The following ST8SIA6 variants were observed in gnomAD, a reference collection of about 807,000 sequenced individuals.
ST8SIA6 encodes the protein ST8 alpha-N-acetyl-neuraminide alpha-2,8-sialyltransferase 6, also known as alpha-2,8-sialyltransferase 8F.
ST8SIA6 carries 39 observed loss-of-function variants against 33.6 expected under a neutral mutation model. That is an observed-to-expected ratio of 1.16 (90% CI 0.90 to 1.52). The LOEUF is 1.52. Among genes scored for constraint, ST8SIA6 ranks in the 40% most tolerant of loss-of-function variants. The probability of loss-of-function intolerance (pLI) is 0.00; values close to 1 mark genes in which losing one functional copy is unlikely to be tolerated. For missense variants in ST8SIA6, 441 were observed against 443.8 expected, an observed-to-expected ratio of 0.99 and a Z score of 0.06; for synonymous variants, 172 against 167.2, an observed-to-expected ratio of 1.03 and a Z score of -0.22.
At chr10:17,387,505 G>A (rs1184002224) in intron 3 of ST8SIA6, among the ~76,000 whole-genome samples, 1 of 151,204 alleles carries the variant, frequency 6.6e-6, no homozygotes, top group Non-Finnish European at 1.5e-5. Context: ...CACCTCGGGT[G>A]ATCTGCCCGC....
chr10:17,326,922 G>A, intron 6 of ST8SIA6, 92 bp downstream of exon 6: 1 of 893,922 alleles, frequency 1.1e-6, no homozygotes, highest in Non-Finnish European at 1.6e-6. Context: ...GAGCTCAAAG[G>A]TGAAAATATA....
intron 4 of ST8SIA6, among the ~76,000 whole-genome samples, chr10:17,346,722 A>G (rs977022666): frequency 6.6e-6 from 1 of 152,238 alleles, no homozygotes; most frequent in African/African-American, 2.4e-5. Flanking sequence ...AGCAATAGAT[A>G]ACCAACATGC....
At chr10:17,386,579 C>T (rs906870636) in intron 3 of ST8SIA6, among the ~76,000 whole-genome samples, 4 of 152,186 alleles carry the variant, frequency 2.6e-5, no homozygotes, top group Non-Finnish European at 5.9e-5. Context: ...GCAACGACAT[C>T]AAACACAGAG....
chr10:17,453,496 C>A lies in ST8SIA6; in HGVS notation c.200+63G>T, dbSNP rs542855559. ...CCCAACGAGTCCAAGCCGGTGCAGC[C>A]GCGCCCCATGCCCGGCTCGCAGCTC... is the stretch of plus-strand genomic sequence containing the variant. On this transcript the variant is annotated intron_variant, in intron 2 of 7. Transcript: ENST00000377602. 229 of 1,212,524 alleles carry A rather than the reference C, an allele frequency of 1.9e-4. No individual in the cohort carries two copies. In the African/African-American group the frequency reaches 3.0e-3, roughly 16 times the overall value. The allele number at this position is 1,212,524 out of a possible 1,614,324, so 75.1% of individuals were successfully genotyped here.
chr10:17,327,905 T>G (rs1848186340), intron 5 of ST8SIA6, among the ~76,000 whole-genome samples: 1 of 151,298 alleles, frequency 6.6e-6, no homozygotes, highest in Non-Finnish European at 1.5e-5. Context: ...AGACTCTGTT[T>G]CTTAAATTTT....
At chr10:17,433,643 G>A (rs1159391364) in intron 2 of ST8SIA6, among the ~76,000 whole-genome samples, 1 of 152,156 alleles carries the variant, frequency 6.6e-6, no homozygotes, top group African/African-American at 2.4e-5. Flanking sequence ...ACTCAGGGAT[G>A]CAGCCCTCTC....
intron 3 of ST8SIA6, among the ~76,000 whole-genome samples, chr10:17,387,949 A>C (rs538644243): frequency 1.2e-4 from 19 of 152,318 alleles, no homozygotes; most frequent in African/African-American, 3.8e-4. Flanking sequence ...AAGGCTTTCA[A>C]TGGTTCATTT....
At chr10:17,392,256 A>T (rs1850643940) in intron 2 of ST8SIA6, among the ~76,000 whole-genome samples, 1 of 152,226 alleles carries the variant, frequency 6.6e-6, no homozygotes, top group Non-Finnish European at 1.5e-5. Context: ...TCAGAAGAGT[A>T]GGTCTCTACT....
chr10:17,436,538 A>C (rs1852264198), intron 2 of ST8SIA6, among the ~76,000 whole-genome samples: 1 of 104,656 alleles, frequency 9.6e-6, no homozygotes, highest in African/African-American at 3.7e-5. Context: ...CCACCCCACA[A>C]CAGTCCCTGG....
At chr10:17,388,512 T>A (rs1307745165) in intron 3 of ST8SIA6, among the ~76,000 whole-genome samples, 2 of 151,974 alleles carry the variant, frequency 1.3e-5, no homozygotes, top group South Asian at 2.1e-4. Flanking sequence ...AGTGTGTGTG[T>A]GAGAGAGAGA....
At chr10:17,376,426 G>A (rs1564430212) in intron 3 of ST8SIA6, among the ~76,000 whole-genome samples, 1 of 152,064 alleles carries the variant, frequency 6.6e-6, no homozygotes, top group Non-Finnish European at 1.5e-5. Context: ...GGTAGAAACT[G>A]AACAAACCTA....
In ST8SIA6 at chr10:17,320,716, G is replaced by A; in HGVS notation, c.*162C>T. On this transcript the variant is annotated 3_prime_UTR_variant, in exon 8 of 8. Transcript: ENST00000377602. ...AGAAAAAATGAAGATGAGAAGGATT[G>A]AATGACTTGCCATCATTGCAAAATG... 1 of 638,286 alleles carries A rather than the reference G, an allele frequency of 1.6e-6. No homozygotes were observed. The highest frequency in any genetic ancestry group is 2.7e-6 in the Non-Finnish European group (1 of 367,298). 39.5% of individuals were successfully genotyped at this position (638,286 alleles called of 1,614,324 possible). A position where few individuals can be genotyped will look rare whatever the true frequency, so the allele number is the denominator to read the frequency against.
chr10:17,409,680 C>T (rs1032095006), intron 2 of ST8SIA6: 6 of 152,258 alleles, frequency 3.9e-5, no homozygotes, highest in African/African-American at 1.2e-4. Flanking sequence ...AGTTTGAGAC[C>T]AGCCTGACCA....
Position 17,331,147 on chromosome 10 carries a change from G to A in ST8SIA6, c.522+261C>T, listed in dbSNP as rs142458088. On this transcript the variant is annotated intron_variant, in intron 5 of 7. Coordinates refer to ENST00000377602, the MANE Select transcript of ST8SIA6 (RefSeq NM_001004470.3). ...TCAGTAATTACTAAGCAGGAAGCCC[G>A]AGTGTCTCATCTCATTCGAAGAAGA... Among the ~76,000 whole-genome samples, 9 of 152,284 alleles carry A rather than the reference G, an allele frequency of 5.9e-5. No homozygotes were observed. In the East Asian group the frequency reaches 1.4e-3, roughly 23 times the overall value.
Position 17,327,055 on chromosome 10 carries a change from A to G in ST8SIA6, c.594T>C (p.Ser198=). Residue 198 remains serine, a synonymous_variant, in exon 6 of 8, where the codon TCT becomes TCC. Transcript: ENST00000377602. ...ATTTATCTATTTCAGTTCCACAGAG[A>G]GACTTATTCAGAATTCCCCCATTTC... ...VVGNGGILNK[S]LCGTEIDKSD... 1 of 1,609,472 alleles carries G rather than the reference A, an allele frequency of 6.2e-7. No individual in the cohort carries two copies. The highest frequency in any genetic ancestry group is 1.1e-5 in the South Asian group (1 of 90,094).
intron 3 of ST8SIA6, among the ~76,000 whole-genome samples, chr10:17,362,618 T>C (rs993049326): frequency 6.6e-6 from 1 of 152,216 alleles, no homozygotes; most frequent in Non-Finnish European, 1.5e-5. Flanking sequence ...TTTCTTGGTC[T>C]CGTCCTTCCC....
intron 2 of ST8SIA6, among the ~76,000 whole-genome samples, chr10:17,420,335 C>T (rs999510589): frequency 2.0e-5 from 3 of 152,160 alleles, no homozygotes; most frequent in African/African-American, 7.2e-5. Context: ...TGGCGTGAAC[C>T]CGAGAAGCGG....
At chr10:17,337,578 A>T (rs559648334) in intron 4 of ST8SIA6, among the ~76,000 whole-genome samples, 7 of 152,230 alleles carry the variant, frequency 4.6e-5, no homozygotes, top group Admixed American at 1.3e-4. Context: ...AGTGATAAGC[A>T]TATGCTCTTT....
intron 4 of ST8SIA6, among the ~76,000 whole-genome samples, chr10:17,350,452 G>C (rs1848991930): frequency 6.6e-6 from 1 of 152,162 alleles, no homozygotes; most frequent in Non-Finnish European, 1.5e-5. Flanking sequence ...TACTCAGAAG[G>C]CTGAGGCGGG....
Sources: gnomAD v4.1 joint callset for allele counts (sites outside exome capture counted in the v4.1 genomes callset) on GRCh38, gnomAD v4.1.1 for gene constraint, MANE v1.5 for transcripts, NCBI Gene and HGNC (gene_info 2026-07-23, HGNC 2026-07-21) for gene names.